The following TEX12 variants were observed in gnomAD, a reference collection of about 807,000 sequenced individuals.
TEX12 encodes the protein testis-expressed protein 12.
A neutral mutation model predicts 14.6 loss-of-function variants in TEX12; 7 were observed. The observed-to-expected ratio is 0.48, with a 90% CI of 0.27 to 0.90. TEX12 has a LOEUF of 0.90. Among genes scored for constraint, TEX12 ranks in the 40% least tolerant of loss-of-function variants. TEX12 has a pLI of 0.12. For missense variants in TEX12, 121 were observed against 135.7 expected, an observed-to-expected ratio of 0.89 and a Z score of 0.54; for synonymous variants, 57 against 49.1, an observed-to-expected ratio of 1.16 and a Z score of -0.67.
chr11:112,170,581 G>C, intron 3 of TEX12, 42 bp from the exon 4 acceptor site: 1 of 1,591,724 alleles, frequency 6.3e-7, no homozygotes, highest in Non-Finnish European at 8.6e-7. Context: ...TAATGCAGAA[G>C]GTTTGTTATA....
intron 1 of TEX12, among the ~76,000 whole-genome samples, chr11:112,168,631 A>C (rs1478589314): frequency 1.3e-5 from 2 of 151,694 alleles, no homozygotes. Context: ...GGCTCACTGC[A>C]ACCTCCCTCT....
intron 4 of TEX12, 21 bp from the exon 5 acceptor site, chr11:112,171,751 T>C (rs1357532159): frequency 6.9e-7 from 1 of 1,453,916 alleles, no homozygotes; most frequent in Non-Finnish European, 9.2e-7. Context: ...TAGTTTAATA[T>C]ACAACTTTTT....
intron 4 of TEX12, among the ~76,000 whole-genome samples, chr11:112,171,458 G>GT (rs1034694480): frequency 4.6e-5 from 7 of 151,628 alleles, no homozygotes; most frequent in Admixed American, 6.6e-5. Flanking sequence ...TTTATGAAGT[G>GT]TTTTTTTTAC....
intron 4 of TEX12, among the ~76,000 whole-genome samples, chr11:112,171,402 TA>T (rs1476431652): frequency 1.3e-5 from 2 of 152,082 alleles, no homozygotes; most frequent in African/African-American, 2.4e-5. Flanking sequence ...ATTTTACCTA[TA>T]TCTATTTTAA....
intron 3 of TEX12, 23 bp from the exon 4 acceptor site, chr11:112,170,600 C>T (rs781560550): frequency 6.2e-7 from 1 of 1,605,818 alleles, no homozygotes; most frequent in Non-Finnish European, 8.5e-7. Flanking sequence ...TATTTTATAA[C>T]TTAAATGATT....
intron 2 of TEX12, 155 bp from the exon 3 acceptor site, chr11:112,170,264 C>A: frequency 2.0e-6 from 1 of 504,374 alleles, no homozygotes; most frequent in Non-Finnish European, 3.5e-6. Flanking sequence ...TGTAAATTTC[C>A]TTAATAATAA....
chr11:112,172,029 G>A lies in TEX12; in HGVS notation c.*113G>A, dbSNP rs1333077993. The A allele has an allele frequency of 1.3e-6, 1 of 780,058 alleles. No individual in the cohort carries two copies. Among genetic ancestry groups the A allele is most frequent in the Non-Finnish European group, 1.8e-6 (1 of 551,014 alleles). The allele number at this position is 780,058 out of a possible 1,614,324, so 48.3% of individuals were successfully genotyped here. On this transcript the variant is annotated 3_prime_UTR_variant, in exon 5 of 5. Coordinates refer to ENST00000280358, the MANE Select transcript of TEX12 (RefSeq NM_031275.4). ...TTAAAGAAAATGTATATCTCGAATAGAGAAGGGGAAACTCCTTGAATTTCT... is the reference window on the plus strand; with the variant it reads ...TTAAAGAAAATGTATATCTCGAATAAAGAAGGGGAAACTCCTTGAATTTCT...
intron 1 of TEX12, 31 bp from the exon 2 acceptor site, chr11:112,169,222 C>A (rs1404428134): frequency 1.1e-5 from 16 of 1,482,764 alleles, no homozygotes; most frequent in Non-Finnish European, 1.4e-5. Context: ...GGAGTTTGTA[C>A]CTAAATCTGG....
At chr11:112,171,296 TA>T (rs574688473) in intron 4 of TEX12, among the ~76,000 whole-genome samples, 373 of 152,248 alleles carry the variant, frequency 2.4e-3, no homozygotes, top group Non-Finnish European at 4.1e-3. Context: ...GCATTTTATA[TA>T]AGGGACTTGA....
Position 112,171,791 on chromosome 11 carries a change from G to A in TEX12, c.247G>A (p.Ala83Thr), listed in dbSNP as rs1866793896. 9 of 1,564,332 alleles carry A rather than the reference G, an allele frequency of 5.8e-6. No individual in the cohort carries two copies. The highest frequency in any genetic ancestry group is 1.4e-5 in the African/African-American group (1 of 72,312). Reference protein sequence around the residue: ...KLLSERAAVDASYIDEIDELF... With the variant: ...KLLSERAAVDTSYIDEIDELF... ...TATTAGTGAGAGAGCAGCAGTAGAT[G>A]CATCTTACATTGATGAGATAGATGA... The change falls in exon 5 of 5, where the codon GCA becomes ACA. Residue 83 changes from alanine to threonine, a missense_variant. By Grantham distance (58) the Ala-to-Thr change is moderately conservative. Coordinates refer to ENST00000280358, the MANE Select transcript of TEX12 (RefSeq NM_031275.4).
intron 4 of TEX12, 35 bp from the exon 5 acceptor site, chr11:112,171,737 T>G: frequency 7.7e-7 from 1 of 1,298,820 alleles, no homozygotes; most frequent in Non-Finnish European, 1.0e-6. Flanking sequence ...TGTTTATATC[T>G]ACTTAGTTTA....
At chr11:112,169,111 G>C (rs1452709581) in intron 1 of TEX12, 142 bp from the exon 2 acceptor site, 1 of 664,752 alleles carries the variant, frequency 1.5e-6, no homozygotes, top group East Asian at 2.5e-5. Flanking sequence ...ATTTAGAGGA[G>C]GGAGAAATTG....
In TEX12 at chr11:112,172,351, T is replaced by C. The variant is rs1866802480; in HGVS notation, c.*435T>C. On this transcript the variant is annotated 3_prime_UTR_variant, in exon 5 of 5. Coordinates refer to ENST00000280358, the MANE Select transcript of TEX12 (RefSeq NM_031275.4). ...GATAGTTTTGGAGATAATTTTGAAA[T>C]TTTTTTTATGGTCAGGATTATAAAA... 1.3e-5 allele frequency: 2 copies of C among 151,784 alleles called. No homozygotes were observed. The highest frequency in any genetic ancestry group is 4.8e-5 in the African/African-American group (2 of 41,384). The allele number at this position is 151,784 out of a possible 1,614,324, so 9.4% of individuals were successfully genotyped here. A position where few individuals can be genotyped will look rare whatever the true frequency, so the allele number is the denominator to read the frequency against.
intron 4 of TEX12, among the ~76,000 whole-genome samples, chr11:112,171,377 G>A (rs1866788599): frequency 6.6e-6 from 1 of 151,958 alleles, no homozygotes; most frequent in African/African-American, 2.4e-5. Context: ...GATACTGAGG[G>A]ATGACTGTAT....
intron 4 of TEX12, among the ~76,000 whole-genome samples, 175 bp downstream of exon 4, chr11:112,170,849 G>A (rs946971865): frequency 3.3e-5 from 5 of 151,984 alleles, no homozygotes; most frequent in African/African-American, 4.8e-5. Flanking sequence ...AGGGAATAGC[G>A]TCAACTTTTC....
intron 3 of TEX12, 41 bp from the exon 4 acceptor site, chr11:112,170,582 G>T: frequency 5.6e-6 from 9 of 1,593,432 alleles, no homozygotes; most frequent in South Asian, 1.1e-5. Flanking sequence ...AATGCAGAAG[G>T]TTTGTTATAT....
rs1367522004 is a variant in TEX12, at chr11:112,169,335, A to T, written c.63+4A>T. On this transcript the variant is annotated splice_donor_region_variant and intron_variant, in intron 2 of 4. Transcript: ENST00000280358. ...CAAGAGGCCAAGAGAATTGGAGGTA[A>T]GCTGTATGCCTATGGAGCCTTAATC... is the stretch of plus-strand genomic sequence containing the variant. 2.5e-6 allele frequency: 4 copies of T among 1,606,352 alleles called. No individual in the cohort carries two copies. Among genetic ancestry groups the T allele is most frequent in the African/African-American group, 1.3e-5 (1 of 74,798 alleles).
In TEX12 at chr11:112,169,256, G is replaced by C. The variant is rs1866762694; in HGVS notation, c.-13G>C. On this transcript the variant is annotated 5_prime_UTR_variant, in exon 2 of 5. Coordinates refer to ENST00000280358, the MANE Select transcript of TEX12 (RefSeq NM_031275.4). ...GGCATTGTTCTAAGCTTTGTAGCTG[G>C]TGCCTTCGGAATATGATGGCAAATC... is the stretch of plus-strand genomic sequence containing the variant. 1 of 1,611,100 alleles carries C rather than the reference G, an allele frequency of 6.2e-7. No individual in the cohort carries two copies. The highest frequency in any genetic ancestry group is 1.3e-5 in the African/African-American group (1 of 74,878).
chr11:112,168,953 G>C (rs948835001), intron 1 of TEX12, among the ~76,000 whole-genome samples: 3 of 152,156 alleles, frequency 2.0e-5, no homozygotes, highest in African/African-American at 7.2e-5. Flanking sequence ...GAAAATGATG[G>C]GACTAGTAGG....
Sources: allele counts gnomAD v4.1 joint callset (sites outside exome capture counted in the v4.1 genomes callset), GRCh38; gene constraint gnomAD v4.1.1; transcripts MANE v1.5; gene names NCBI Gene and HGNC (gene_info 2026-07-23, HGNC 2026-07-21).